Variants in EDNRA observed in about 807,000 individuals in gnomAD.
EDNRA encodes the protein endothelin-1 receptor.
In EDNRA, 11 loss-of-function variants were observed where a neutral mutation model predicts 41.4. The ratio of observed to expected loss-of-function variants is 0.27; its 90% CI spans 0.17 to 0.44. The LOEUF is 0.44. Ranked by LOEUF, EDNRA falls within the 20% of genes least tolerant of loss-of-function variation. The pLI is 1.00. For missense variants in EDNRA, 294 were observed against 531.0 expected (o/e 0.55, Z 4.39); for synonymous variants, 172 against 183.0 (o/e 0.94, Z 0.49).
intron 2 of EDNRA, among the ~76,000 whole-genome samples, chr4:147,513,606 C>T (rs1729998046): frequency 6.6e-6 from 1 of 152,142 alleles, no homozygotes; most frequent in Admixed American, 6.5e-5. Context: ...TTTTACATCC[C>T]AGTCCCTTCC....
chr4:147,487,774 A>T (rs1031934791), intron 2 of EDNRA, among the ~76,000 whole-genome samples: 1 of 152,224 alleles, frequency 6.6e-6, no homozygotes, highest in African/African-American at 2.4e-5. Context: ...CAAACAATCA[A>T]AAAATTACCA....
At chr4:147,532,781 G>A (rs910793979) in intron 4 of EDNRA, 77 bp downstream of exon 4, 6 of 1,440,728 alleles carry the variant, frequency 4.2e-6, no homozygotes, top group Non-Finnish European at 5.8e-6. Context: ...GAGACTTGAT[G>A]ACATCGCCAC....
intron 3 of EDNRA, among the ~76,000 whole-genome samples, chr4:147,526,272 A>G (rs1730538947): frequency 6.6e-6 from 1 of 152,248 alleles, no homozygotes; most frequent in African/African-American, 2.4e-5. Flanking sequence ...CAGAACAACA[A>G]CCGTTTTATC....
intron 1 of EDNRA, among the ~76,000 whole-genome samples, chr4:147,484,860 A>T (rs1324022721): frequency 6.6e-6 from 1 of 152,252 alleles, no homozygotes; most frequent in Non-Finnish European, 1.5e-5. Flanking sequence ...CAATTATTTC[A>T]TTCTTAATTG....
chr4:147,542,358 G>A, intron 7 of EDNRA, 120 bp from the exon 8 acceptor site: 5 of 1,415,666 alleles, frequency 3.5e-6, no homozygotes, highest in Non-Finnish European at 4.8e-6. Context: ...TACTGTCAAG[G>A]TTCACTTCCC....
chr4:147,506,336 G>A (rs1033979912), intron 2 of EDNRA: 3 of 427,666 alleles, frequency 7.0e-6, no homozygotes, highest in African/African-American at 4.1e-5. Context: ...CAGATAAGCT[G>A]TCTTCGGAAG....
chr4:147,518,374 G>A (rs544667131), intron 2 of EDNRA, among the ~76,000 whole-genome samples: 32 of 152,332 alleles, frequency 2.1e-4, no homozygotes, highest in African/African-American at 7.7e-4. Flanking sequence ...AAAAGTTTAT[G>A]AGGAAATTTT....
intron 1 of EDNRA, among the ~76,000 whole-genome samples, chr4:147,484,001 A>G (rs754340117): frequency 6.6e-6 from 1 of 152,286 alleles, no homozygotes; most frequent in Admixed American, 6.5e-5. Flanking sequence ...GATTATAGAC[A>G]TGAGCCACCA....
At chr4:147,527,451 G>A (rs1730593664) in intron 3 of EDNRA, among the ~76,000 whole-genome samples, 1 of 152,144 alleles carries the variant, frequency 6.6e-6, no homozygotes. Context: ...TGTAAATAAA[G>A]CTAAAATTTA....
intron 2 of EDNRA, among the ~76,000 whole-genome samples, chr4:147,496,333 G>A (rs1335482688): frequency 6.6e-6 from 1 of 151,996 alleles, no homozygotes; most frequent in African/African-American, 2.4e-5. Context: ...CATAAGTATG[G>A]GTATTTCTCT....
intron 2 of EDNRA, among the ~76,000 whole-genome samples, chr4:147,496,642 T>C (rs1267868091): frequency 6.6e-6 from 1 of 152,210 alleles, no homozygotes; most frequent in Admixed American, 6.5e-5. Flanking sequence ...ATGAATTTGC[T>C]TGCCTGTTTT....
intron 2 of EDNRA, among the ~76,000 whole-genome samples, chr4:147,498,373 TG>T (rs1729388375): frequency 6.6e-6 from 1 of 152,082 alleles, no homozygotes; most frequent in African/African-American, 2.4e-5. Context: ...CCAGAGGGAG[TG>T]GTATGCACTA....
intron 2 of EDNRA, chr4:147,488,995 T>A (rs1038612613): frequency 6.6e-6 from 1 of 152,230 alleles, no homozygotes; most frequent in Non-Finnish European, 1.5e-5. Context: ...TGCATACAAT[T>A]GGAGAATATT....
At position 147,505,327 on chromosome 4, in the gene EDNRA, A is replaced by ATTTTTTTTTTT. The variant is rs869077171; in HGVS notation, c.421-14506_421-14496dup. On this transcript the variant is annotated intron_variant, in intron 2 of 7. Coordinates refer to ENST00000651419, the MANE Select transcript of EDNRA (RefSeq NM_001957.4). Reference sequence around the variant, plus strand: ...AGAGAGTTTGGCAGTTTCTTTTTTCATTTTTTTTTTTTTTTTTTTTTTTTT... The same window carrying ATTTTTTTTTTT: ...AGAGAGTTTGGCAGTTTCTTTTTTCATTTTTTTTTTTTTTTTTTTTTTTTTTTTTTTTTTTT... Among the ~76,000 whole-genome samples, 133 of 79,680 alleles carry ATTTTTTTTTTT rather than the reference A, an allele frequency of 1.7e-3. 13 individuals are homozygous for ATTTTTTTTTTT. Among genetic ancestry groups the ATTTTTTTTTTT allele is most frequent in the African/African-American group, 4.8e-3 (91 of 18,898 alleles). The allele number at this position is 79,680 out of a possible 152,430, so 52.3% of individuals were successfully genotyped here. A position where few individuals can be genotyped will look rare whatever the true frequency, so the allele number is the denominator to read the frequency against.
At chr4:147,500,893 A>T (rs1729495975) in intron 2 of EDNRA, among the ~76,000 whole-genome samples, 1 of 152,228 alleles carries the variant, frequency 6.6e-6, no homozygotes, top group Non-Finnish European at 1.5e-5. Flanking sequence ...CAAAATATGT[A>T]GTTCCAACTA....
intron 2 of EDNRA, chr4:147,495,976 C>T (rs1296127656): frequency 6.6e-6 from 1 of 152,182 alleles, no homozygotes; most frequent in East Asian, 1.9e-4. Context: ...TTTGTGAAAC[C>T]TTTCCATTAA....
intron 2 of EDNRA, among the ~76,000 whole-genome samples, chr4:147,504,675 C>T (rs370433338): frequency 6.6e-5 from 10 of 151,946 alleles, no homozygotes; most frequent in Non-Finnish European, 1.5e-5. Flanking sequence ...AGACAACAGC[C>T]GGGTGCGGTG....
chr4:147,510,731 A>G (rs1167356995), intron 2 of EDNRA, among the ~76,000 whole-genome samples: 2 of 152,218 alleles, frequency 1.3e-5, no homozygotes, highest in Non-Finnish European at 2.9e-5. Context: ...CAAGGCTTCA[A>G]TATGTGGGAT....
At chr4:147,532,264 T>C (rs1560915876) in intron 3 of EDNRA, among the ~76,000 whole-genome samples, 1 of 144,772 alleles carries the variant, frequency 6.9e-6, no homozygotes, top group Non-Finnish European at 1.5e-5. Context: ...AGGCGGAGCT[T>C]GCAGTGAGCC....
Sources: allele counts gnomAD v4.1 joint callset (sites outside exome capture counted in the v4.1 genomes callset), GRCh38; gene constraint gnomAD v4.1.1; transcripts MANE v1.5; gene names NCBI Gene and HGNC (gene_info 2026-07-23, HGNC 2026-07-21).